The following DNAH17 variants were observed in gnomAD, a reference collection of about 807,000 sequenced individuals.
DNAH17 encodes the protein dynein axonemal heavy chain 17.
DNAH17 carries 376 observed loss-of-function variants against 485.6 expected under a neutral mutation model. The observed-to-expected ratio is 0.77, with a 90% CI of 0.71 to 0.84. The LOEUF (loss-of-function observed/expected upper bound fraction) is 0.84. Among genes scored for constraint, DNAH17 ranks in the 40% least tolerant of loss-of-function variants. The probability of loss-of-function intolerance (pLI) is 0.00; values close to 1 mark genes in which losing one functional copy is unlikely to be tolerated. For missense variants in DNAH17, 6,370 were observed against 5,839.3 expected (o/e 1.09, Z -2.96); for synonymous variants, 3,031 against 2,405.9 (o/e 1.26, Z -7.60).
chr17:78,447,294 G>A (rs2087351094), intron 69 of DNAH17, among the ~76,000 whole-genome samples: 1 of 152,238 alleles, frequency 6.6e-6, no homozygotes, highest in South Asian at 2.1e-4. Context: ...GTGGACAGAT[G>A]CTGGACACCT....
chr17:78,495,923 C>T lies in DNAH17; in HGVS notation c.5855G>A (p.Gly1952Glu). 1 of 1,613,908 alleles carries T rather than the reference C, an allele frequency of 6.2e-7. No individual in the cohort carries two copies. The highest frequency in any genetic ancestry group is 8.5e-7 in the Non-Finnish European group (1 of 1,179,840). ...AGGCAGCTCCGCGCGTCCGGCGTAC[C>T]CAGGGTTCATGGTGATGAAGATACC... ...TVGIFITMNP[G>E]YAGRAELPEN... is the part of the protein sequence containing the mutation. The change falls in exon 38 of 81, where the codon GGG becomes GAG. Residue 1952 changes from glycine to glutamate, a missense_variant. By Grantham distance (98) the Gly-to-Glu change is moderately conservative. Coordinates refer to ENST00000389840, the MANE Select transcript of DNAH17 (RefSeq NM_173628.4).
intron 75 of DNAH17, among the ~76,000 whole-genome samples, chr17:78,431,455 A>ACC (rs1010523692): frequency 2.7e-5 from 4 of 146,912 alleles, no homozygotes; most frequent in Admixed American, 6.8e-5. Flanking sequence ...GGAACCCCCC[A>ACC]CCCCGAGACT....
chr17:78,459,356 C>G, intron 60 of DNAH17, 148 bp from the exon 61 acceptor site: 1 of 762,794 alleles, frequency 1.3e-6, no homozygotes, highest in Non-Finnish European at 2.2e-6. Context: ...TAGAGGCCAC[C>G]CCCCACCGGC....
At chr17:78,474,144 C>G (rs562858650) in intron 54 of DNAH17, among the ~76,000 whole-genome samples, 3 of 152,344 alleles carry the variant, frequency 2.0e-5, no homozygotes, top group African/African-American at 7.2e-5. Context: ...CCCACTGCTC[C>G]CAGCATCACT....
intron 42 of DNAH17, among the ~76,000 whole-genome samples, chr17:78,491,832 C>G (rs912157909): frequency 2.0e-4 from 30 of 152,222 alleles, no homozygotes; most frequent in Admixed American, 4.6e-4. Flanking sequence ...CTTTGTGGCC[C>G]TGGCTGGCTC....
rs4969212 is a variant in DNAH17, at chr17:78,529,723, C to G, written c.3285-29G>C. ...AGGGACAAGGGGACCATTTGTGTGG[C>G]CCCAGCCCCCCTTAGGCCCACCCTT... On this transcript the variant is annotated intron_variant, in intron 21 of 80. Coordinates refer to ENST00000389840, the MANE Select transcript of DNAH17 (RefSeq NM_173628.4). The G allele has an allele frequency of 0.61, 977,811 of 1,606,614 alleles. 298,852 individuals carry two copies. The highest frequency in any genetic ancestry group is 0.64 in the Middle Eastern group (3,882 of 6,052).
chr17:78,535,478 TC>T (rs2091350061), intron 19 of DNAH17, among the ~76,000 whole-genome samples: 1 of 151,958 alleles, frequency 6.6e-6, no homozygotes, highest in Admixed American at 6.6e-5. Context: ...CAAGCATGCC[TC>T]CCCACCACAC....
intron 1 of DNAH17, among the ~76,000 whole-genome samples, chr17:78,575,394 G>A (rs542013122): frequency 6.6e-6 from 1 of 152,322 alleles, no homozygotes; most frequent in African/African-American, 2.4e-5. Context: ...AGAGAGAAAA[G>A]GAAATGGCCG....
chr17:78,555,769 G>T (rs545313718), intron 14 of DNAH17, among the ~76,000 whole-genome samples: 5 of 152,192 alleles, frequency 3.3e-5, no homozygotes, highest in Admixed American at 3.3e-4. Context: ...GTGGGCTCAG[G>T]AAAGCAGATA....
chr17:78,468,582 G>A, intron 55 of DNAH17, 35 bp downstream of exon 55: 2 of 1,596,692 alleles, frequency 1.3e-6, no homozygotes, highest in Non-Finnish European at 8.5e-7. Context: ...CACCAAGCTG[G>A]GCTCTTGAGG....
intron 69 of DNAH17, among the ~76,000 whole-genome samples, chr17:78,446,550 G>A (rs939499805): frequency 2.0e-5 from 3 of 152,180 alleles, no homozygotes; most frequent in African/African-American, 2.4e-5. Context: ...TAACCACGCT[G>A]GCATTCTCCA....
intron 11 of DNAH17, among the ~76,000 whole-genome samples, chr17:78,562,183 T>C (rs2092171776): frequency 6.6e-6 from 1 of 152,254 alleles, no homozygotes; most frequent in African/African-American, 2.4e-5. Flanking sequence ...TTAGGCCGAG[T>C]CCCCAAATAC....
chr17:78,538,830 C>T (rs1371796062), intron 18 of DNAH17, among the ~76,000 whole-genome samples: 2 of 152,176 alleles, frequency 1.3e-5, no homozygotes, highest in African/African-American at 2.4e-5. Flanking sequence ...CCTCCCTGGT[C>T]GGTACAAGGG....
chr17:78,443,603 G>A (rs916863839), intron 71 of DNAH17, among the ~76,000 whole-genome samples: 4 of 152,108 alleles, frequency 2.6e-5, no homozygotes, highest in Admixed American at 6.5e-5. Context: ...AGGCTGGAGC[G>A]CAGTGGCACA....
chr17:78,478,014 TCACCATCACCACCACCATCA>T (rs2089136485), intron 51 of DNAH17, among the ~76,000 whole-genome samples: 1 of 115,882 alleles, frequency 8.6e-6, no homozygotes, highest in East Asian at 3.1e-4. Flanking sequence ...ATCACCATCA[TCACCATCACCACCACCATCA>T]CACCACCATC....
In DNAH17 at chr17:78,425,529, C is replaced by A. The variant is rs374421441; in HGVS notation, c.12958G>T (p.Val4320Leu). 2 of 1,613,622 alleles carry A rather than the reference C, an allele frequency of 1.2e-6. No individual in the cohort carries two copies. The highest frequency in any genetic ancestry group is 3.3e-5 in the Admixed American group (2 of 60,014). ...GGGTTGAAGAAGCCGGCCAGCCACA[C>A]GGTGGTGGGCAGGGCAAAGTCTGTC... ...WTTDFALPTTVWLAGFFNPQS... is the reference protein window; with the variant it reads ...WTTDFALPTTLWLAGFFNPQS... The change falls in exon 80 of 81, where the codon GTG becomes TTG. Residue 4320 changes from valine to leucine, a missense_variant. By Grantham distance (32) the Val-to-Leu change is conservative (BLOSUM62 1). Transcript: ENST00000389840.
chr17:78,562,072 A>C, intron 11 of DNAH17, 92 bp from the exon 12 acceptor site: 1 of 1,435,876 alleles, frequency 7.0e-7, no homozygotes, highest in Non-Finnish European at 9.2e-7. Flanking sequence ...GCCAATCTTC[A>C]GGAGTGAGAG....
rs1379077425 is a variant in DNAH17, at chr17:78,561,815, G to A, written c.1735C>T (p.His579Tyr). The A allele has an allele frequency of 6.2e-7, 1 of 1,613,748 alleles. No homozygotes were observed. The highest frequency in any genetic ancestry group is 1.3e-5 in the African/African-American group (1 of 74,930). The stretch of plus-strand genomic sequence containing the variant: ...CCGGCCACGGGAGGCATGTTTTTGT[G>A]GATCAGGGGGATGTTCCCCTCCTCG... ...ASEEGNIPLIHKNMPPVAGQL... is the reference protein window; with the variant it reads ...ASEEGNIPLIYKNMPPVAGQL... The change falls in exon 12 of 81, where the codon CAC (histidine) becomes TAC (tyrosine). Residue 579 changes from histidine (H) to tyrosine (Y), a missense_variant. By Grantham distance (83) the His-to-Tyr change is moderately conservative. Coordinates refer to ENST00000389840, the MANE Select transcript of DNAH17 (RefSeq NM_173628.4).
At chr17:78,428,306 G>A (rs1369522025) in intron 77 of DNAH17, 2 of 612,030 alleles carry the variant, frequency 3.3e-6, no homozygotes, top group Non-Finnish European at 5.9e-6. Context: ...CTTTTGTCTG[G>A]GCCCGTACGC....
Sources: gnomAD v4.1 joint callset for allele counts (sites outside exome capture counted in the v4.1 genomes callset) on GRCh38, gnomAD v4.1.1 for gene constraint, MANE v1.5 for transcripts, NCBI Gene and HGNC (gene_info 2026-07-23, HGNC 2026-07-21) for gene names.